Variants in DIAPH2 observed in about 807,000 individuals in gnomAD.
DIAPH2 encodes protein diaphanous homolog 2.
A neutral mutation model predicts 92.7 loss-of-function variants in DIAPH2; 35 were observed. The ratio of observed to expected loss-of-function variants is 0.38; its 90% CI spans 0.29 to 0.50. The LOEUF (loss-of-function observed/expected upper bound fraction) is 0.50, where lower values mean the gene tolerates loss of function less well. DIAPH2 is among the 20% of genes least tolerant of loss of function. The pLI is 0.94. For synonymous variants in DIAPH2, 301 were observed against 280.4 expected, an observed-to-expected ratio of 1.07 and a Z score of -0.73; for missense variants, 701 against 819.5, an observed-to-expected ratio of 0.86 and a Z score of 1.77.
chrX:97,216,818 C>T (rs189074618), intron 22 of DIAPH2, among the ~76,000 whole-genome samples: 1 of 111,610 alleles, frequency 9.0e-6, no homozygotes, highest in East Asian at 2.8e-4. Flanking sequence ...AAATGTCAAA[C>T]ACTTTTATTG....
chrX:97,569,322 A>C (rs1198875409), intron 26 of DIAPH2, among the ~76,000 whole-genome samples: 1 of 111,835 alleles, frequency 8.9e-6, no homozygotes, highest in Non-Finnish European at 1.9e-5. Context: ...ATCAGAAGAG[A>C]TTTTCACTTT....
intron 21 of DIAPH2, among the ~76,000 whole-genome samples, chrX:97,131,562 AT>A (rs973764684): frequency 8.0e-5 from 9 of 111,880 alleles, no homozygotes; most frequent in African/African-American, 1.6e-4. Context: ...ATAAAAAAAA[AT>A]ATTCCATCTA....
intron 22 of DIAPH2, among the ~76,000 whole-genome samples, chrX:97,238,704 T>C (rs751275656): frequency 9.0e-6 from 1 of 111,456 alleles, no homozygotes; most frequent in South Asian, 3.8e-4. Context: ...GAGCTTTTGC[T>C]ATTGTTACTG....
chrX:97,050,634 A>G (rs377250715), intron 17 of DIAPH2, among the ~76,000 whole-genome samples: 1 of 109,540 alleles, frequency 9.1e-6, no homozygotes, highest in African/African-American at 3.3e-5. Flanking sequence ...GCTTTAGCTT[A>G]AGGGAACAGA....
chrX:97,158,460 A>C (rs2147435131), intron 22 of DIAPH2, among the ~76,000 whole-genome samples: 1 of 112,008 alleles, frequency 8.9e-6, no homozygotes, highest in African/African-American at 3.2e-5. Context: ...GCTTATTGCC[A>C]GCTATCGAAA....
At chrX:97,377,436 T>C (rs889577696) in intron 24 of DIAPH2, among the ~76,000 whole-genome samples, 2 of 112,054 alleles carry the variant, frequency 1.8e-5, no homozygotes, top group Non-Finnish European at 3.8e-5. Context: ...GCTCTGACAT[T>C]ATGGTGGCCG....
chrX:97,438,121 T>TAA (rs762607670), intron 26 of DIAPH2, among the ~76,000 whole-genome samples: 1 of 83,925 alleles, frequency 1.2e-5, no homozygotes, highest in Non-Finnish European at 2.4e-5. Flanking sequence ...ACCCTCTCTT[T>TAA]AAAAAAAAAA....
At chrX:97,516,369 C>T (rs2070948548) in intron 26 of DIAPH2, among the ~76,000 whole-genome samples, 1 of 111,882 alleles carries the variant, frequency 8.9e-6, no homozygotes, top group South Asian at 3.7e-4. Flanking sequence ...ATGTAGAAAG[C>T]TTGCTCTGTT....
chrX:97,466,745 C>T (rs2070516033), intron 26 of DIAPH2, among the ~76,000 whole-genome samples: 1 of 112,103 alleles, frequency 8.9e-6, no homozygotes, highest in South Asian at 3.7e-4. Flanking sequence ...AAGTACAGAC[C>T]AAAGCCCCAG....
chrX:96,763,879 C>T (rs921597110), intron 4 of DIAPH2, among the ~76,000 whole-genome samples: 11 of 110,457 alleles, frequency 1.0e-4, no homozygotes, highest in Admixed American at 8.8e-4. Context: ...TTATCTTTAA[C>T]ATCACCGAGT....
At chrX:96,905,265 G>C (rs910221446) in intron 5 of DIAPH2, among the ~76,000 whole-genome samples, 1 of 111,600 alleles carries the variant, frequency 9.0e-6, no homozygotes, top group South Asian at 3.8e-4. Context: ...TATCTTCATT[G>C]TATATAGCAT....
At chrX:97,095,098 C>CTTTTTTT (rs61350837) in intron 19 of DIAPH2, among the ~76,000 whole-genome samples, 316 of 22,408 alleles carry the variant, frequency 0.014, 100 homozygotes, top group Non-Finnish European at 0.022. Context: ...GTTTCTTTTT[C>CTTTTTTT]TTTTTTTTTT....
chrX:97,256,111 C>G (rs2068234262), intron 23 of DIAPH2, among the ~76,000 whole-genome samples: 1 of 112,167 alleles, frequency 8.9e-6, no homozygotes, highest in Non-Finnish European at 1.9e-5. Flanking sequence ...TCTAATCGCT[C>G]TCACCAGAAG....
chrX:97,104,715 G>C (rs1329252040), intron 20 of DIAPH2, among the ~76,000 whole-genome samples: 1 of 111,263 alleles, frequency 9.0e-6, no homozygotes, highest in Non-Finnish European at 1.9e-5. Context: ...ACCCTGTGTA[G>C]TGCCCTATAG....
chrX:96,742,098 A>T (rs780765053), intron 3 of DIAPH2, among the ~76,000 whole-genome samples: 29 of 111,721 alleles, frequency 2.6e-4, no homozygotes, highest in Non-Finnish European at 4.9e-4. Flanking sequence ...TCCCCTCCAG[A>T]CCTGCTCCTA....
At chrX:96,991,955 T>C (rs1324254596) in intron 17 of DIAPH2, among the ~76,000 whole-genome samples, 1 of 110,974 alleles carries the variant, frequency 9.0e-6, no homozygotes, top group Non-Finnish European at 1.9e-5. Context: ...TAGCATGCAT[T>C]GATGAAGTAA....
In DIAPH2 at chrX:97,397,522, C is replaced by A. The variant is rs750162273; in HGVS notation, c.3145+13478C>A. Among the ~76,000 whole-genome samples the A allele has an allele frequency of 6.3e-5, 7 of 111,849 alleles. No individual in the cohort carries two copies. In the South Asian group the frequency reaches 2.3e-3, roughly 36 times the overall value. On this transcript the variant is annotated intron_variant, in intron 25 of 26. Transcript: ENST00000324765. Reference sequence around the variant, plus strand: ...GGTCTAGGAAGACTCAGGCATAGCCCTGCTGAGGATTGGACAGGGTCCAGG... The same window carrying A: ...GGTCTAGGAAGACTCAGGCATAGCCATGCTGAGGATTGGACAGGGTCCAGG...
chrX:96,854,475 GT>G (rs1223847164), intron 4 of DIAPH2, among the ~76,000 whole-genome samples: 2 of 103,955 alleles, frequency 1.9e-5, no homozygotes, highest in African/African-American at 7.0e-5. Flanking sequence ...CAGGGAATAT[GT>G]TTGAAGACCC....
At chrX:97,075,382 G>A in intron 19 of DIAPH2, 121 bp downstream of exon 19, 1 of 372,077 alleles carries the variant, frequency 2.7e-6, no homozygotes, top group East Asian at 5.5e-5. Context: ...ACATTGAATA[G>A]TTTAATAAAA....
Sources: allele counts gnomAD v4.1 joint callset (sites outside exome capture counted in the v4.1 genomes callset), GRCh38; gene constraint gnomAD v4.1.1; transcripts MANE v1.5; gene names NCBI Gene and HGNC (gene_info 2026-07-23, HGNC 2026-07-21).